The following NRXN3 variants were observed in gnomAD, a reference collection of about 807,000 sequenced individuals.
The protein encoded by NRXN3 is neurexin III.
In NRXN3, 32 loss-of-function variants were observed where a neutral mutation model predicts 137.6. That is an observed-to-expected ratio of 0.23 (90% confidence interval 0.18 to 0.31). The LOEUF (loss-of-function observed/expected upper bound fraction) is 0.31, where lower values mean the gene tolerates loss of function less well. Ranked by LOEUF, NRXN3 falls within the 10% of genes least tolerant of loss-of-function variation. The probability of loss-of-function intolerance (pLI) is 1.00; values close to 1 mark genes in which losing one functional copy is unlikely to be tolerated. For synonymous variants in NRXN3, 798 were observed against 784.5 expected, an observed-to-expected ratio of 1.02 and a Z score of -0.29; for missense variants, 1,574 against 2,062.5, an observed-to-expected ratio of 0.76 and a Z score of 4.59.
chr14:79,798,160 G>A (rs2099166678), intron 19 of NRXN3, among the ~76,000 whole-genome samples: 1 of 151,448 alleles, frequency 6.6e-6, no homozygotes, highest in African/African-American at 2.4e-5. Context: ...GATCAAAGAT[G>A]AGACTGTGAT....
At chr14:79,089,324 G>A (rs577021780) in intron 15 of NRXN3, among the ~76,000 whole-genome samples, 1 of 152,236 alleles carries the variant, frequency 6.6e-6, no homozygotes. Context: ...AATGCTAGTT[G>A]ATAGCAAACA....
At chr14:78,746,868 T>C (rs1015319770) in intron 8 of NRXN3, among the ~76,000 whole-genome samples, 2 of 152,212 alleles carry the variant, frequency 1.3e-5, no homozygotes, top group African/African-American at 4.8e-5. Context: ...GTTGACACAA[T>C]TTTTGTTAAG....
chr14:79,520,789 G>A lies in NRXN3; in HGVS notation c.3444+53387G>A, dbSNP rs533558165. On this transcript the variant is annotated intron_variant, in intron 16 of 20. Coordinates refer to ENST00000335750, the MANE Select transcript of NRXN3 (RefSeq NM_001330195.2). ...AACAGCAGATGCTGGAGAGGATGTG[G>A]AGAAGTAGGAATGCTTTTACACTTT... Among the ~76,000 whole-genome samples, 113 of 152,296 alleles carry A rather than the reference G, an allele frequency of 7.4e-4. 4 individuals carry two copies. In the South Asian group the frequency reaches 0.023, roughly 31 times the overall value.
At chr14:78,928,002 A>G (rs1314513973) in intron 10 of NRXN3, among the ~76,000 whole-genome samples, 2 of 152,148 alleles carry the variant, frequency 1.3e-5, no homozygotes, top group Non-Finnish European at 2.9e-5. Context: ...AGATAAATAC[A>G]ACAGCTTCCT....
At chr14:78,961,971 C>T (rs773946265) in intron 11 of NRXN3, among the ~76,000 whole-genome samples, 94 of 152,110 alleles carry the variant, frequency 6.2e-4, no homozygotes, top group Non-Finnish European at 5.1e-4. Flanking sequence ...ATATATTACC[C>T]ATGAATTAGA....
chr14:78,293,158 T>C (rs1441434029), intron 3 of NRXN3, among the ~76,000 whole-genome samples: 1 of 152,130 alleles, frequency 6.6e-6, no homozygotes, highest in African/African-American at 2.4e-5. Context: ...TAATGTTGAA[T>C]ATGCTTGGAA....
At chr14:79,088,702 A>G (rs559430791) in intron 15 of NRXN3, among the ~76,000 whole-genome samples, 33 of 152,218 alleles carry the variant, frequency 2.2e-4, no homozygotes, top group African/African-American at 7.9e-4. Flanking sequence ...TAAACATATA[A>G]ACACTTACTT....
intron 15 of NRXN3, among the ~76,000 whole-genome samples, chr14:79,064,803 A>G (rs920395979): frequency 8.5e-5 from 11 of 129,244 alleles, no homozygotes; most frequent in Admixed American, 3.4e-4. Context: ...ACCCATATAT[A>G]TGTGTGTGTG....
intron 15 of NRXN3, among the ~76,000 whole-genome samples, chr14:79,157,363 C>G (rs1366006066): frequency 1.3e-5 from 2 of 151,650 alleles, no homozygotes; most frequent in Non-Finnish European, 3.0e-5. Context: ...CTGAAGCTGT[C>G]GGGAGTCTTA....
intron 17 of NRXN3, 100 bp downstream of exon 17, chr14:79,664,049 T>C (rs1251366665): frequency 9.3e-6 from 11 of 1,186,504 alleles, no homozygotes; most frequent in Admixed American, 1.9e-5. Flanking sequence ...TCCAGAACAC[T>C]GAGTGAAGTA....
At chr14:78,275,879 T>G (rs2073514814) in intron 2 of NRXN3, among the ~76,000 whole-genome samples, 1 of 152,186 alleles carries the variant, frequency 6.6e-6, no homozygotes, top group Admixed American at 6.5e-5. Flanking sequence ...AGATAGACAC[T>G]GCTAAGGTTT....
intron 20 of NRXN3, chr14:79,854,114 A>G: frequency 1.0e-6 from 1 of 981,418 alleles, no homozygotes; most frequent in Non-Finnish European, 1.2e-6. Flanking sequence ...AAAAAAAGCA[A>G]GTTACAAGAA....
At chr14:78,482,931 G>T (rs755463728) in intron 4 of NRXN3, among the ~76,000 whole-genome samples, 9 of 152,106 alleles carry the variant, frequency 5.9e-5, no homozygotes, top group Non-Finnish European at 1.3e-4. Flanking sequence ...CTGCTTTAAA[G>T]GTTATTTTGG....
chr14:79,333,947 G>C (rs570276056), intron 15 of NRXN3, among the ~76,000 whole-genome samples: 1 of 152,262 alleles, frequency 6.6e-6, no homozygotes. Flanking sequence ...ATACTGCTGT[G>C]TGCCGATCTT....
intron 4 of NRXN3, among the ~76,000 whole-genome samples, chr14:78,560,244 G>T (rs909124045): frequency 1.3e-5 from 2 of 152,100 alleles, no homozygotes; most frequent in Admixed American, 1.3e-4. Context: ...AACTGCTCTG[G>T]TAAAACCAAA....
At chr14:78,405,619 G>GGGT (rs1037982363) in intron 4 of NRXN3, among the ~76,000 whole-genome samples, 15 of 141,824 alleles carry the variant, frequency 1.1e-4, no homozygotes, top group African/African-American at 2.6e-4. Flanking sequence ...GGGGCGGGGG[G>GGGT]GTTCCGGGTA....
intron 15 of NRXN3, among the ~76,000 whole-genome samples, chr14:78,989,691 TC>T (rs1275119751): frequency 1.3e-5 from 2 of 152,194 alleles, no homozygotes; most frequent in Non-Finnish European, 2.9e-5. Flanking sequence ...TCTTTCTTTT[TC>T]CTCCAATTTG....
chr14:79,601,445 A>G (rs2097920899), intron 16 of NRXN3, among the ~76,000 whole-genome samples: 2 of 152,066 alleles, frequency 1.3e-5, no homozygotes, highest in African/African-American at 2.4e-5. Context: ...TGACAAATAT[A>G]TCCTTCATGC....
At chr14:79,414,696 G>A (rs773842239) in intron 15 of NRXN3, among the ~76,000 whole-genome samples, 4 of 151,838 alleles carry the variant, frequency 2.6e-5, no homozygotes, top group Admixed American at 6.6e-5. Context: ...CATAGCTACC[G>A]TGTGTGTGTG....
Sources: gnomAD v4.1 joint callset for allele counts (sites outside exome capture counted in the v4.1 genomes callset) on GRCh38, gnomAD v4.1.1 for gene constraint, MANE v1.5 for transcripts, NCBI Gene and HGNC (gene_info 2026-07-23, HGNC 2026-07-21) for gene names.